The following CC2D2A variants were observed in gnomAD, a reference collection of about 807,000 sequenced individuals.
The protein encoded by CC2D2A is coiled-coil and C2 domain-containing protein 2A.
In CC2D2A, 155 loss-of-function variants were observed where a neutral mutation model predicts 212.9. The observed-to-expected ratio is 0.73, with a 90% CI of 0.64 to 0.83. The LOEUF is 0.83. Among genes scored for constraint, CC2D2A ranks in the 40% least tolerant of loss-of-function variants. The pLI is 0.00. For missense variants in CC2D2A, 1,856 were observed against 1,956.2 expected, an observed-to-expected ratio of 0.95 and a Z score of 0.97; for synonymous variants, 667 against 686.5, an observed-to-expected ratio of 0.97 and a Z score of 0.44.
chr4:15,493,269 TTTAC>T (rs3054512), intron 4 of CC2D2A, among the ~76,000 whole-genome samples: 33 of 150,724 alleles, frequency 2.2e-4, no homozygotes, highest in South Asian at 1.5e-3. Context: ...TATTTATTTA[TTTAC>T]TTACTTACTT....
At chr4:15,515,823 T>G (rs1716834932) in intron 9 of CC2D2A, 45 bp from the exon 10 acceptor site, 1 of 1,509,282 alleles carries the variant, frequency 6.6e-7, no homozygotes, top group African/African-American at 1.4e-5. Context: ...TTGAGATATT[T>G]AGATTGGCCC....
intron 4 of CC2D2A, among the ~76,000 whole-genome samples, chr4:15,496,287 T>C (rs1715608622): frequency 6.6e-6 from 1 of 152,198 alleles, no homozygotes; most frequent in South Asian, 2.1e-4. Flanking sequence ...TTTGGAGACT[T>C]CATAATGAAG....
At chr4:15,568,106 C>T (rs1719981334) in intron 26 of CC2D2A, among the ~76,000 whole-genome samples, 1 of 152,252 alleles carries the variant, frequency 6.6e-6, no homozygotes, top group South Asian at 2.1e-4. Flanking sequence ...TTCCTTTCTT[C>T]CTCATGTCCC....
In CC2D2A at chr4:15,592,044, ACC is replaced by A. The variant is rs1467930472; in HGVS notation, c.4314+2366_4314+2367del. Among the ~76,000 whole-genome samples the A allele has an allele frequency of 3.9e-5, 6 of 152,190 alleles. 1 individual carries two copies. The highest frequency in any genetic ancestry group is 3.9e-4 in the Admixed American group (6 of 15,278). On this transcript the variant is annotated intron_variant, in intron 33 of 36. Transcript: ENST00000424120. ...GGCTTTGTTGTCCTGGCACTCTGAA[ACC>A]TCAACTGCCCTCTACTCCACCACAC...
chr4:15,538,248 C>T lies in CC2D2A; in HGVS notation c.2003+111C>T, dbSNP rs138873439. ...GGGAGTGTACACTTACTGACCTACACGAGCATCAGGAGTATCATTAACTCT... is the reference window on the plus strand; with the variant it reads ...GGGAGTGTACACTTACTGACCTACATGAGCATCAGGAGTATCATTAACTCT... On this transcript the variant is annotated intron_variant, in intron 16 of 36. Coordinates refer to ENST00000424120, the MANE Select transcript of CC2D2A (RefSeq NM_001378615.1). 5.6e-5 allele frequency: 64 copies of T among 1,151,168 alleles called. No individual in the cohort carries two copies. In the East Asian group the frequency reaches 7.5e-4, roughly 14 times the overall value. 71.3% of individuals were successfully genotyped at this position (1,151,168 alleles called of 1,614,324 possible).
chr4:15,581,744 T>A (rs1720672760), intron 30 of CC2D2A, among the ~76,000 whole-genome samples: 1 of 152,246 alleles, frequency 6.6e-6, no homozygotes, highest in Non-Finnish European at 1.5e-5. Context: ...TTATACTACC[T>A]GTATAACCCA....
In CC2D2A at chr4:15,552,345, G is replaced by A. The variant is rs530733938; in HGVS notation, c.2339-813G>A. Among the ~76,000 whole-genome samples the A allele has an allele frequency of 2.4e-4, 36 of 152,260 alleles. No individual in the cohort carries two copies. In the South Asian group the frequency reaches 2.7e-3, roughly 11 times the overall value. On this transcript the variant is annotated intron_variant, in intron 18 of 36. Coordinates refer to ENST00000424120, the MANE Select transcript of CC2D2A (RefSeq NM_001378615.1). ...GTGCTTGCACTTGTTCCTTCTGCCA[G>A]TAATGCTCTTTTCCAAAACAATACA...
intron 3 of CC2D2A, chr4:15,479,329 G>T (rs1188886575): frequency 1.3e-6 from 2 of 1,535,356 alleles, no homozygotes; most frequent in East Asian, 4.9e-5. Context: ...TCTTTTCAAG[G>T]TAAGTCCTTG....
At position 15,510,177 on chromosome 4, in the gene CC2D2A, C is replaced by T. The variant is rs1234067914; in HGVS notation, c.477C>T (p.Asp159=). 3.1e-6 allele frequency: 5 copies of T among 1,613,562 alleles called. No homozygotes were observed. The highest frequency in any genetic ancestry group is 4.2e-6 in the Non-Finnish European group (5 of 1,179,638). ...TAGAAAGGACTCAACAAGAAGTTGA[C>T]TCCCAAAGTTACTCAAGAGTCAAGT... ...KEVERTQQEV[D]SQSYSRVKFH... is the part of the protein sequence containing the mutation. Residue 159 remains aspartate, a synonymous_variant, in exon 7 of 37, where the codon GAC becomes GAT. Coordinates refer to ENST00000424120, the MANE Select transcript of CC2D2A (RefSeq NM_001378615.1).
intron 11 of CC2D2A, among the ~76,000 whole-genome samples, chr4:15,524,945 T>A (rs545536402): frequency 1.3e-5 from 2 of 152,194 alleles, no homozygotes; most frequent in Admixed American, 6.5e-5. Context: ...ATGATAGTCA[T>A]CAATAAATAA....
At chr4:15,500,839 G>T (rs1408318484) in intron 4 of CC2D2A, among the ~76,000 whole-genome samples, 1 of 152,044 alleles carries the variant, frequency 6.6e-6, no homozygotes, top group Admixed American at 6.6e-5. Flanking sequence ...GTCTACAAGC[G>T]TGAGGATCCT....
At chr4:15,554,402 G>A (rs1719170540) in intron 19 of CC2D2A, among the ~76,000 whole-genome samples, 1 of 152,164 alleles carries the variant, frequency 6.6e-6, no homozygotes, top group South Asian at 2.1e-4. Context: ...GCTGGGCACG[G>A]TGGCTCACGT....
At chr4:15,524,131 A>G (rs950981435) in intron 11 of CC2D2A, among the ~76,000 whole-genome samples, 1 of 152,138 alleles carries the variant, frequency 6.6e-6, no homozygotes, top group African/African-American at 2.4e-5. Flanking sequence ...AATTTTCTGT[A>G]CATTTTTGTT....
At chr4:15,507,233 A>C (rs558017640) in intron 6 of CC2D2A, among the ~76,000 whole-genome samples, 2 of 152,348 alleles carry the variant, frequency 1.3e-5, no homozygotes, top group South Asian at 4.1e-4. Flanking sequence ...ACTTCTGTAC[A>C]ATTGAGTTGG....
chr4:15,571,099 T>C (rs926919418), intron 28 of CC2D2A, among the ~76,000 whole-genome samples: 9 of 152,146 alleles, frequency 5.9e-5, no homozygotes, highest in Admixed American at 2.0e-4. Flanking sequence ...TTTTAAATAT[T>C]AAATAAAGGT....
intron 11 of CC2D2A, among the ~76,000 whole-genome samples, chr4:15,525,407 A>G (rs1717451937): frequency 6.6e-6 from 1 of 152,238 alleles, no homozygotes; most frequent in Admixed American, 6.5e-5. Flanking sequence ...TGTGAGGTGG[A>G]AATTTTTAAT....
intron 17 of CC2D2A, among the ~76,000 whole-genome samples, chr4:15,546,390 AT>A (rs1718711877): frequency 6.6e-6 from 1 of 152,188 alleles, no homozygotes; most frequent in Non-Finnish European, 1.5e-5. Context: ...TGCCTTTTAA[AT>A]TTTTTAACAT....
chr4:15,481,535 C>A (rs1714663163), intron 4 of CC2D2A: 1 of 194,638 alleles, frequency 5.1e-6, no homozygotes, highest in Non-Finnish European at 1.1e-5. Flanking sequence ...CAAAAAAGAG[C>A]CTGGAACCTC....
intron 1 of CC2D2A, among the ~76,000 whole-genome samples, chr4:15,474,247 G>GT (rs1489944335): frequency 6.6e-6 from 1 of 152,160 alleles, no homozygotes; most frequent in Non-Finnish European, 1.5e-5. Flanking sequence ...ACTGAAGAAA[G>GT]TATCTCAAAA....
Sources: gnomAD v4.1 joint callset for allele counts (sites outside exome capture counted in the v4.1 genomes callset) on GRCh38, gnomAD v4.1.1 for gene constraint, MANE v1.5 for transcripts, NCBI Gene and HGNC (gene_info 2026-07-23, HGNC 2026-07-21) for gene names.